Variants in ERICH1 observed in about 807,000 individuals in gnomAD.
ERICH1 encodes glutamate rich 1.
A neutral mutation model predicts 39.6 loss-of-function variants in ERICH1; 56 were observed. The observed-to-expected ratio is 1.41, with a 90% confidence interval of 1.14 to 1.77. The LOEUF is 1.77. ERICH1 is among the 40% of genes most tolerant of loss of function. The pLI, the probability that ERICH1 is intolerant of heterozygous loss-of-function variation, is 0.00. For synonymous variants in ERICH1, 313 were observed against 223.6 expected (o/e 1.40, Z -3.57); for missense variants, 826 against 575.4 (o/e 1.44, Z -4.45).
At chr8:724,807 G>A (rs1438728940) in intron 1 of ERICH1, among the ~76,000 whole-genome samples, 8 of 152,174 alleles carry the variant, frequency 5.3e-5, no homozygotes, top group Non-Finnish European at 8.8e-5. Flanking sequence ...TTGTTTGCAC[G>A]GGCAGGTTAC....
chr8:680,576 A>G (rs918167605), intron 3 of ERICH1, among the ~76,000 whole-genome samples: 1 of 142,828 alleles, frequency 7.0e-6, no homozygotes, highest in African/African-American at 2.6e-5. Flanking sequence ...CCCTCCCCCG[A>G]AAACACGGAA....
intron 3 of ERICH1, among the ~76,000 whole-genome samples, chr8:630,055 A>C (rs1797891300): frequency 7.7e-6 from 1 of 130,178 alleles, no homozygotes; most frequent in African/African-American, 3.1e-5. Context: ...ACACAGACAG[A>C]GCTGACTCAC....
Position 668,619 on chromosome 8 carries a change from C to T in ERICH1, c.1237G>A (p.Glu413Lys), listed in dbSNP as rs751227736. 5 of 1,614,100 alleles carry T rather than the reference C, an allele frequency of 3.1e-6. No homozygotes were observed. The highest frequency in any genetic ancestry group is 2.7e-5 in the African/African-American group (2 of 74,940). ...RLKHALEMFP[E>K]HCTMPPDHAR... The stretch of plus-strand genomic sequence containing the variant: ...TTACCAGGAGGCATCGTGCAATGTT[C>T]TGGGAACATTTCCAGAGCATGCTTC... The change falls in exon 5 of 6, where the codon GAA becomes AAA. Residue 413 changes from glutamate (E) to lysine (K), a missense_variant. By Grantham distance (56) the Glu-to-Lys change is moderately conservative (BLOSUM62 1). Transcript: ENST00000262109.
intron 3 of ERICH1, among the ~76,000 whole-genome samples, chr8:656,195 C>T (rs1007887457): frequency 3.3e-5 from 5 of 152,128 alleles, no homozygotes; most frequent in Non-Finnish European, 5.9e-5. Context: ...TTCTAAACTC[C>T]CCCGGTTCCT....
At chr8:701,173 C>CCCGCCAGACGGGAGCACACCGTA (rs1213479847) in intron 2 of ERICH1, among the ~76,000 whole-genome samples, 1 of 152,270 alleles carries the variant, frequency 6.6e-6, no homozygotes, top group Non-Finnish European at 1.5e-5. Flanking sequence ...ACGGGTCTGC[C>CCCGCCAGACGGGAGCACACCGTA]CCGCCAGACG....
chr8:683,168 A>T (rs1407934668), intron 3 of ERICH1, among the ~76,000 whole-genome samples: 1 of 152,114 alleles, frequency 6.6e-6, no homozygotes, highest in Non-Finnish European at 1.5e-5. Flanking sequence ...GTGGTTTGAG[A>T]CCCCTGGAGA....
intron 3 of ERICH1, among the ~76,000 whole-genome samples, chr8:629,419 C>T (rs370962008): frequency 2.7e-4 from 39 of 143,224 alleles, no homozygotes; most frequent in African/African-American, 9.4e-4. Context: ...GACTCACACC[C>T]TCCTGTGAGC....
At chr8:661,222 C>G (rs988342544), downstream of ERICH1, among the ~76,000 whole-genome samples, 1 of 152,142 alleles carries the variant, frequency 6.6e-6, no homozygotes, top group Non-Finnish European at 1.5e-5. Flanking sequence ...GAGGACATGT[C>G]ACCTGGAGAG....
In ERICH1 at chr8:664,379, A is replaced by T. The variant is rs1801874807; in HGVS notation, c.*224T>A. The stretch of plus-strand genomic sequence containing the variant: ...AAACAGAATCAAGTTTTATGTAGTA[A>T]TTCAAGATATATATAATTGCAAATA... On this transcript the variant is annotated 3_prime_UTR_variant, in exon 6 of 6. Transcript: ENST00000262109. 3 of 1,186,208 alleles carry T rather than the reference A, an allele frequency of 2.5e-6. No homozygotes were observed. The highest frequency in any genetic ancestry group is 1.0e-6 in the Non-Finnish European group (1 of 958,310). 73.5% of individuals were successfully genotyped at this position (1,186,208 alleles called of 1,614,324 possible). A position where few individuals can be genotyped will look rare whatever the true frequency, so the allele number is the denominator to read the frequency against.
chr8:638,892 G>C (rs58759002), intron 3 of ERICH1, among the ~76,000 whole-genome samples: 4 of 151,794 alleles, frequency 2.6e-5, no homozygotes, highest in African/African-American at 4.8e-5. Flanking sequence ...CGCTGCCTCC[G>C]TGGCCTTGTT....
chr8:684,049 T>C (rs1203111835), intron 3 of ERICH1, among the ~76,000 whole-genome samples: 1 of 152,238 alleles, frequency 6.6e-6, no homozygotes, highest in African/African-American at 2.4e-5. Context: ...AGTGGAAAAG[T>C]AGTTAGTGTC....
chr8:678,298 G>C (rs555059976), intron 3 of ERICH1, among the ~76,000 whole-genome samples: 12 of 152,174 alleles, frequency 7.9e-5, no homozygotes, highest in Admixed American at 7.2e-4. Flanking sequence ...ATCCAGCATC[G>C]GGAACACGGA....
chr8:676,725 C>T (rs180982944), intron 3 of ERICH1, among the ~76,000 whole-genome samples: 2 of 152,310 alleles, frequency 1.3e-5, no homozygotes, highest in African/African-American at 4.8e-5. Flanking sequence ...GTCTGTGCCA[C>T]GGCCGGCACA....
intron 1 of ERICH1, chr8:725,355 C>G (rs1043767991): frequency 6.5e-6 from 1 of 153,782 alleles, no homozygotes. Context: ...TGATCGGTCA[C>G]CTGGCTGGGT....
At chr8:728,048 C>G (rs1428160406) in intron 1 of ERICH1, among the ~76,000 whole-genome samples, 1 of 152,220 alleles carries the variant, frequency 6.6e-6, no homozygotes, top group African/African-American at 2.4e-5. Context: ...GGGCTCCCGC[C>G]TCCATGAGGC....
chr8:719,743 T>A (rs1816853952), intron 1 of ERICH1, among the ~76,000 whole-genome samples: 1 of 152,230 alleles, frequency 6.6e-6, no homozygotes, highest in African/African-American at 2.4e-5. Context: ...CACTTGCACA[T>A]GTATTGAATT....
At chr8:639,238 C>T (rs1241389725) in intron 3 of ERICH1, among the ~76,000 whole-genome samples, 2 of 152,156 alleles carry the variant, frequency 1.3e-5, no homozygotes, top group Admixed American at 6.5e-5. Context: ...CCACTCATCC[C>T]ATCACTGAGG....
At position 673,679 on chromosome 8, in the gene ERICH1, C is replaced by T. The variant is rs1374705574; in HGVS notation, c.673G>A (p.Asp225Asn). ...EEDPTLAGEE[D>N]VKDTREEDGA... The stretch of plus-strand genomic sequence containing the variant: ...TCTTCCTCCCTGGTATCTTTAACGT[C>T]TTCCTCCCCGGCCAGTGTCGGGTCT... The change falls in exon 4 of 6, where the codon GAC (aspartate) becomes AAC (asparagine). Residue 225 changes from aspartate to asparagine, a missense_variant. Asp to Asn is a conservative substitution (Grantham distance 23, BLOSUM62 1). Transcript: ENST00000262109. 7 of 1,613,816 alleles carry T rather than the reference C, an allele frequency of 4.3e-6. No homozygotes were observed. In the Admixed American group the frequency reaches 8.3e-5, roughly 19 times the overall value.
At chr8:627,252 A>G in intron 3 of ERICH1, 1 of 456,152 alleles carries the variant, frequency 2.2e-6, no homozygotes, top group Non-Finnish European at 4.4e-6. Context: ...GAAGTTGGAG[A>G]TAAGAACACT....
Sources: allele counts gnomAD v4.1 joint callset (sites outside exome capture counted in the v4.1 genomes callset), GRCh38; gene constraint gnomAD v4.1.1; transcripts MANE v1.5; gene names NCBI Gene and HGNC (gene_info 2026-07-23, HGNC 2026-07-21).